The following CUX1 variants were observed in gnomAD, a reference collection of about 807,000 sequenced individuals.
CUX1 encodes the protein cut like homeobox 1.
CUX1 carries 31 observed loss-of-function variants against 158.8 expected under a neutral mutation model. The ratio of observed to expected loss-of-function variants is 0.20; its 90% CI spans 0.15 to 0.26. The LOEUF (loss-of-function observed/expected upper bound fraction) is 0.26, where lower values mean the gene tolerates loss of function less well. Ranked by LOEUF, CUX1 falls within the 10% of genes least tolerant of loss-of-function variation. The pLI, the probability that CUX1 is intolerant of heterozygous loss-of-function variation, is 1.00. For missense variants in CUX1, 1,589 were observed against 2,014.6 expected (o/e 0.79, Z 4.04); for synonymous variants, 879 against 862.1 (o/e 1.02, Z -0.34).
chr7:102,265,633 A>G (rs1020267463), intron 14 of CUX1, among the ~76,000 whole-genome samples: 8 of 151,866 alleles, frequency 5.3e-5, no homozygotes, highest in African/African-American at 1.2e-4. Context: ...CAGTCTGGCT[A>G]TGTTGCCCAG....
intron 4 of CUX1, 74 bp from the exon 5 acceptor site, chr7:102,097,290 T>G: frequency 7.4e-5 from 112 of 1,520,916 alleles, no homozygotes; most frequent in Non-Finnish European, 9.5e-5. Context: ...AGCCCCACTC[T>G]GAGCCTGTGT....
intron 18 of CUX1, 38 bp from the exon 19 acceptor site, chr7:102,204,353 C>T: frequency 6.2e-7 from 1 of 1,607,910 alleles, no homozygotes. Flanking sequence ...ATGCTAATAG[C>T]CAGGCACTGA....
intron 1 of CUX1, among the ~76,000 whole-genome samples, chr7:101,844,346 T>C (rs1385092039): frequency 6.6e-6 from 1 of 152,206 alleles, no homozygotes; most frequent in Non-Finnish European, 1.5e-5. Flanking sequence ...AAGAAGTCTT[T>C]CTGTGATAAA....
intron 1 of CUX1, among the ~76,000 whole-genome samples, chr7:101,852,148 CCT>C: frequency 6.6e-6 from 1 of 151,866 alleles, no homozygotes; most frequent in Non-Finnish European, 1.5e-5. Context: ...CACTTTCATG[CCT>C]CTGTCTTTTT....
At chr7:102,230,560 C>T (rs564930361) in intron 21 of CUX1, among the ~76,000 whole-genome samples, 1 of 151,978 alleles carries the variant, frequency 6.6e-6, no homozygotes, top group Non-Finnish European at 1.5e-5. Context: ...GATCTAACAG[C>T]CTGGAGGTTA....
intron 10 of CUX1, among the ~76,000 whole-genome samples, chr7:102,173,180 C>T (rs79024794): frequency 0.024 from 3,651 of 151,916 alleles, 141 homozygotes; most frequent in African/African-American, 0.084. Flanking sequence ...GCCAATATGG[C>T]GAGAACCTGT....
rs781824789 is a variant in CUX1, at chr7:102,189,911, C to T, written c.1076+40C>T. On this transcript the variant is annotated intron_variant, in intron 12 of 23. Transcript: ENST00000292535. ...CCCTGTGGCCCCTCACACGCTGGGG[C>T]GCATTAGGGCCATCTGCTAACAATG... 11 of 1,604,662 alleles carry T rather than the reference C, an allele frequency of 6.9e-6. 1 individual carries two copies. The highest frequency in any genetic ancestry group is 1.7e-4 in the Middle Eastern group (1 of 5,988).
rs71123016 is a variant in CUX1, at chr7:102,222,811, C to CTTTTTTTTTTTTTTTTTTTTTTTTTTT, written c.3131-4530_3131-4529insTTTTTTTTTTTTTTTTTTTTTTTTTTT. 2.4e-4 allele frequency among the ~76,000 whole-genome samples: 6 copies of CTTTTTTTTTTTTTTTTTTTTTTTTTTT among 25,526 alleles called. 3 individuals carry two copies. The highest frequency in any genetic ancestry group is 3.8e-4 in the Non-Finnish European group (6 of 15,946). 16.7% of individuals were successfully genotyped at this position (25,526 alleles called of 152,430 possible). ...GGCTGTGTGTCTCGGGGCACCGTAT[C>CTTTTTTTTTTTTTTTTTTTTTTTTTTT]TTTTTTTTTTTTTTTTTTTTTTTTT... On this transcript the variant is annotated intron_variant, in intron 20 of 23. Transcript: ENST00000292535.
chr7:102,104,174 A>G (rs1830091027), intron 5 of CUX1, among the ~76,000 whole-genome samples, 162 bp from the exon 6 acceptor site: 1 of 152,188 alleles, frequency 6.6e-6, no homozygotes, highest in Admixed American at 6.5e-5. Context: ...TTTAGGGAGT[A>G]AAAGGTCTCT....
At chr7:101,913,720 C>G (rs1311260932) in intron 1 of CUX1, among the ~76,000 whole-genome samples, 1 of 152,206 alleles carries the variant, frequency 6.6e-6, no homozygotes, top group African/African-American at 2.4e-5. Flanking sequence ...CCAGCACCCC[C>G]ACCCTGCTAG....
rs369222487 is a variant in CUX1, at chr7:101,916,244, G to A, written c.141+19G>A. ...TCCAGAGGTGAGGCGCGTGACCATC[G>A]TGTTCGCTTTGAAGGGATCTTAGAA... On this transcript the variant is annotated intron_variant, in intron 2 of 23. Coordinates refer to ENST00000292535, the MANE Select transcript of CUX1 (RefSeq NM_181552.4). The surrounding 1 kb of genome is among the most constrained non-coding windows in gnomAD (Gnocchi z 4.4). 39 of 1,494,636 alleles carry A rather than the reference G, an allele frequency of 2.6e-5. No homozygotes were observed. Among genetic ancestry groups the A allele is most frequent in the Non-Finnish European group, 3.6e-5 (39 of 1,071,658 alleles). 92.6% of individuals were successfully genotyped at this position (1,494,636 alleles called of 1,614,324 possible). A position where few individuals can be genotyped will look rare whatever the true frequency, so the allele number is the denominator to read the frequency against.
chr7:102,005,491 C>T (rs1817236964), intron 2 of CUX1, among the ~76,000 whole-genome samples: 1 of 152,140 alleles, frequency 6.6e-6, no homozygotes, highest in Non-Finnish European at 1.5e-5. Context: ...TGCACCACTG[C>T]ACCCGGGTTA....
intron 9 of CUX1, among the ~76,000 whole-genome samples, chr7:102,159,194 A>G (rs1790126015): frequency 6.6e-6 from 1 of 150,386 alleles, no homozygotes; most frequent in African/African-American, 2.4e-5. Context: ...TCCTTAGTGT[A>G]GACATCTCAC....
At chr7:102,146,068 A>G (rs1212225049) in intron 8 of CUX1, among the ~76,000 whole-genome samples, 1 of 152,180 alleles carries the variant, frequency 6.6e-6, no homozygotes, top group Non-Finnish European at 1.5e-5. Context: ...CTTGATTTTA[A>G]AGAACAAAGG....
intron 20 of CUX1, among the ~76,000 whole-genome samples, chr7:102,221,592 T>A (rs1295397913): frequency 1.3e-5 from 2 of 152,124 alleles, no homozygotes; most frequent in Admixed American, 1.3e-4. Context: ...AGCTGTTGTT[T>A]GCCTGCTGTT....
intron 11 of CUX1, among the ~76,000 whole-genome samples, chr7:102,182,096 C>A (rs2131823438): frequency 6.6e-6 from 1 of 152,288 alleles, no homozygotes; most frequent in Non-Finnish European, 1.5e-5. Context: ...ACGATGGGGC[C>A]TTGAATCAGG....
intron 2 of CUX1, among the ~76,000 whole-genome samples, chr7:101,995,669 T>C (rs1815758323): frequency 6.6e-6 from 1 of 152,228 alleles, no homozygotes; most frequent in Non-Finnish European, 1.5e-5. Flanking sequence ...AAACTGTTGT[T>C]GGTGTTTGGA....
chr7:101,998,837 T>G lies in CUX1; in HGVS notation c.142-29261T>G, dbSNP rs150638532. 2.0e-3 allele frequency among the ~76,000 whole-genome samples: 301 copies of G among 152,196 alleles called. 1 individual carries two copies. Among genetic ancestry groups the G allele is most frequent in the African/African-American group, 6.9e-3 (287 of 41,542 alleles). On this transcript the variant is annotated intron_variant, in intron 2 of 23. Transcript: ENST00000292535. ...AGTGTCCAGCTCTCTCTTCGTCGCT[T>G]TCTTAAGTTGAGGGAGCTGCTATGC...
chr7:102,163,953 C>G (rs1178344251), intron 9 of CUX1, among the ~76,000 whole-genome samples: 1 of 152,144 alleles, frequency 6.6e-6, no homozygotes, highest in Non-Finnish European at 1.5e-5. Context: ...GCAGAGGGGT[C>G]GGCACCTGTC....
Sources: allele counts gnomAD v4.1 joint callset (sites outside exome capture counted in the v4.1 genomes callset), GRCh38; gene constraint gnomAD v4.1.1; non-coding constraint Gnocchi (gnomAD v3.1); transcripts MANE v1.5; gene names NCBI Gene and HGNC (gene_info 2026-07-23, HGNC 2026-07-21).